The following FOXK1 variants were observed in gnomAD, a reference collection of about 807,000 sequenced individuals.
FOXK1 encodes the protein forkhead box protein K1.
In FOXK1, 19 loss-of-function variants were observed where a neutral mutation model predicts 51.9. The observed-to-expected ratio is 0.37, with a 90% CI of 0.26 to 0.54. The LOEUF (loss-of-function observed/expected upper bound fraction) is 0.54, where lower values mean the gene tolerates loss of function less well. Among genes scored for constraint, FOXK1 ranks in the 20% least tolerant of loss-of-function variants. The probability of loss-of-function intolerance (pLI) is 0.87; values close to 1 mark genes in which losing one functional copy is unlikely to be tolerated. For missense variants in FOXK1, 870 were observed against 1,032.7 expected, an observed-to-expected ratio of 0.84 and a Z score of 2.16; for synonymous variants, 537 against 482.6, an observed-to-expected ratio of 1.11 and a Z score of -1.48.
rs1463200453 is a variant in FOXK1 at position 4,730,006 on chromosome 7, A to G, written c.561-10832A>G. ...CTCTGTCGAAACAATTTAAATAAAA[A>G]AAAGAAAAGGAAAAAGAAAGCCCGG... On this transcript the variant is annotated intron_variant, in intron 1 of 8. Coordinates refer to ENST00000328914, the MANE Select transcript of FOXK1 (RefSeq NM_001037165.2). The surrounding 1 kb of genome is among the most constrained non-coding windows in gnomAD (Gnocchi z 4.7). Among the ~76,000 whole-genome samples the G allele has an allele frequency of 6.6e-6, 1 of 152,184 alleles. No homozygotes were observed. Among genetic ancestry groups the G allele is most frequent in the Admixed American group, 6.5e-5 (1 of 15,278 alleles).
Position 4,752,585 on chromosome 7 carries a change from C to T in FOXK1, c.747-1874C>T, listed in dbSNP as rs551151031. Among the ~76,000 whole-genome samples, 91 of 152,350 alleles carry T rather than the reference C, an allele frequency of 6.0e-4. 1 individual carries two copies. The highest frequency in any genetic ancestry group is 2.0e-3 in the African/African-American group (83 of 41,578). ...GGTCCTCAGGAAGGATCCAGGAGCC[C>T]GCCTGCCACCTCATGGGCCTCGGAT... On this transcript the variant is annotated intron_variant, in intron 2 of 8. Coordinates refer to ENST00000328914, the MANE Select transcript of FOXK1 (RefSeq NM_001037165.2).
chr7:4,758,869 A>T lies in FOXK1; in HGVS notation c.1245-182A>T. On this transcript the variant is annotated intron_variant, in intron 5 of 8. Transcript: ENST00000328914. This position sits in a 1 kb window ranked among gnomAD's most constrained non-coding sequence, Gnocchi z 4.4. ...GCCTCCCCCATGCAGCCCCCACTCAAATGGAGTTTTAAAGGCTGGGTTCAG... is the reference window on the plus strand; with the variant it reads ...GCCTCCCCCATGCAGCCCCCACTCATATGGAGTTTTAAAGGCTGGGTTCAG... The T allele has an allele frequency of 1.6e-6, 1 of 627,410 alleles. No individual in the cohort carries two copies. Among genetic ancestry groups the T allele is most frequent in the Non-Finnish European group, 2.7e-6 (1 of 368,110 alleles). The allele number at this position is 627,410 out of a possible 1,614,324, so 38.9% of individuals were successfully genotyped here. A position where few individuals can be genotyped will look rare whatever the true frequency, so the allele number is the denominator to read the frequency against.
chr7:4,705,548 T>TCTCG (rs1554249273), intron 1 of FOXK1, among the ~76,000 whole-genome samples: 1 of 140,140 alleles, frequency 7.1e-6, no homozygotes, highest in Admixed American at 6.9e-5. Flanking sequence ...TCTCTCTCTC[T>TCTCG]CTCTCTCTCT....
At chr7:4,685,672 C>T (rs555978359) in intron 1 of FOXK1, among the ~76,000 whole-genome samples, 31 of 151,992 alleles carry the variant, frequency 2.0e-4, no homozygotes, top group Non-Finnish European at 4.1e-4. Context: ...GCCTGGACTA[C>T]AGCCTCACGC....
rs573528476 is a variant in FOXK1 at position 4,762,134 on chromosome 7, G to C, written c.1922-50G>C. On this transcript the variant is annotated intron_variant, in intron 8 of 8. Transcript: ENST00000328914. This position sits in a 1 kb window ranked among gnomAD's most constrained non-coding sequence, Gnocchi z 5.7. ...CTGTATAGGGGACTTGAAAAAAGCAGCTGGGTCCTAACCAGACCCCAGAGT... is the reference window on the plus strand; with the variant it reads ...CTGTATAGGGGACTTGAAAAAAGCACCTGGGTCCTAACCAGACCCCAGAGT... 3 of 1,509,566 alleles carry C rather than the reference G, an allele frequency of 2.0e-6. No individual in the cohort carries two copies. The highest frequency in any genetic ancestry group is 2.5e-5 in the South Asian group (2 of 78,596). The allele number at this position is 1,509,566 out of a possible 1,614,324, so 93.5% of individuals were successfully genotyped here.
rs1011008546 is a variant in FOXK1, at chr7:4,690,620, T to C, written c.560+7752T>C. ...AGGAGGGTGTTGTCGTGTAGTATTATTGAACTGAATTTAGAATATTTGCAT... is the reference window on the plus strand; with the variant it reads ...AGGAGGGTGTTGTCGTGTAGTATTACTGAACTGAATTTAGAATATTTGCAT... On this transcript the variant is annotated intron_variant, in intron 1 of 8. Coordinates refer to ENST00000328914, the MANE Select transcript of FOXK1 (RefSeq NM_001037165.2). 4.6e-5 allele frequency among the ~76,000 whole-genome samples: 7 copies of C among 152,362 alleles called. No homozygotes were observed. The East Asian group carries it at 1.4e-3, about 29-fold the overall frequency.
At chr7:4,687,240 C>G (rs540433153) in intron 1 of FOXK1, among the ~76,000 whole-genome samples, 8 of 150,118 alleles carry the variant, frequency 5.3e-5, no homozygotes, top group Non-Finnish European at 8.9e-5. Context: ...CCTTTTTTTT[C>G]CTTTTTACAT....
chr7:4,759,514 A>G lies in FOXK1; in HGVS notation c.1615A>G (p.Ile539Val). 6.4e-7 allele frequency: 1 copy of G among 1,572,318 alleles called. No individual in the cohort carries two copies. The highest frequency in any genetic ancestry group is 8.6e-7 in the Non-Finnish European group (1 of 1,165,312). The change falls in exon 7 of 9, where the codon ATC becomes GTC. Residue 539 changes from isoleucine (I) to valine (V), a missense_variant. By Grantham distance (29) the Ile-to-Val change is conservative. Coordinates refer to ENST00000328914, the MANE Select transcript of FOXK1 (RefSeq NM_001037165.2). Reference protein sequence around the residue: ...TTSANSANGYILTSQGAAGGS... With the variant: ...TTSANSANGYVLTSQGAAGGS... ...ATCTGCCAACTCGGCCAACGGATAC[A>G]TCCTCACCAGCCAGGGCGCGGCGGG...
In FOXK1 at chr7:4,733,538, C is replaced by G. The variant is rs1780509528; in HGVS notation, c.561-7300C>G. Among the ~76,000 whole-genome samples, 3 of 152,174 alleles carry G rather than the reference C, an allele frequency of 2.0e-5. No individual in the cohort carries two copies. The South Asian group carries it at 6.2e-4, about 32-fold the overall frequency. On this transcript the variant is annotated intron_variant, in intron 1 of 8. Coordinates refer to ENST00000328914, the MANE Select transcript of FOXK1 (RefSeq NM_001037165.2). This position sits in a 1 kb window ranked among gnomAD's most constrained non-coding sequence, Gnocchi z 5.0. ...ACATGACCCATTTGTATCCCATTGA[C>G]CAGCTCATAGTCTCATGGTTGCAAG...
rs1780800975 is a variant in FOXK1, at chr7:4,753,174, G to A, written c.747-1285G>A. On this transcript the variant is annotated intron_variant, in intron 2 of 8. Transcript: ENST00000328914. This position sits in a 1 kb window ranked among gnomAD's most constrained non-coding sequence, Gnocchi z 4.9. Reference sequence around the variant, plus strand: ...TCCTTCCTGAAAATGCCCCAGACCTGAACTGATCATTAATGTCAGCTGTCA... The same window carrying A: ...TCCTTCCTGAAAATGCCCCAGACCTAAACTGATCATTAATGTCAGCTGTCA... 6.6e-6 allele frequency among the ~76,000 whole-genome samples: 1 copy of A among 152,190 alleles called. No homozygotes were observed. Among genetic ancestry groups the A allele is most frequent in the Non-Finnish European group, 1.5e-5 (1 of 68,046 alleles).
intron 2 of FOXK1, among the ~76,000 whole-genome samples, chr7:4,750,327 GT>G (rs1780759024): frequency 6.6e-6 from 1 of 152,128 alleles, no homozygotes; most frequent in South Asian, 2.1e-4. Flanking sequence ...GTGATTCCCT[GT>G]TTCCTGGAAT....
chr7:4,706,268 C>G (rs1412798537), intron 1 of FOXK1, among the ~76,000 whole-genome samples: 2 of 152,164 alleles, frequency 1.3e-5, no homozygotes, highest in East Asian at 3.9e-4. Flanking sequence ...GGCTGCTGAT[C>G]AGAATCACAA....
chr7:4,709,978 A>G lies in FOXK1; in HGVS notation c.560+27110A>G, dbSNP rs889149733. 2.0e-5 allele frequency among the ~76,000 whole-genome samples: 3 copies of G among 152,250 alleles called. No individual in the cohort carries two copies. The highest frequency in any genetic ancestry group is 2.9e-5 in the Non-Finnish European group (2 of 68,034). The stretch of plus-strand genomic sequence containing the variant: ...TTCCCGCGTGAAGGGGTAGAAGAAC[A>G]GGCAAAATCCATGATTTTTAAACGT... On this transcript the variant is annotated intron_variant, in intron 1 of 8. Coordinates refer to ENST00000328914, the MANE Select transcript of FOXK1 (RefSeq NM_001037165.2). This position sits in a 1 kb window ranked among gnomAD's most constrained non-coding sequence, Gnocchi z 5.6.
chr7:4,754,328 TG>T, intron 2 of FOXK1, 130 bp from the exon 3 acceptor site: 1 of 1,029,018 alleles, frequency 9.7e-7, no homozygotes, highest in Non-Finnish European at 1.4e-6. Flanking sequence ...GGCAGTGTGG[TG>T]GCACTTAAAA....
Position 4,756,799 on chromosome 7 carries a change from G to C in FOXK1, c.1051-195G>C, listed in dbSNP as rs2115072809. On this transcript the variant is annotated intron_variant, in intron 4 of 8. Coordinates refer to ENST00000328914, the MANE Select transcript of FOXK1 (RefSeq NM_001037165.2). This position sits in a 1 kb window ranked among gnomAD's most constrained non-coding sequence, Gnocchi z 4.1. Reference sequence around the variant, plus strand: ...AAAGGTAAAATGGTAATTATGCGGTGTCAAATTTTGATAGGAATGACCTGC... The same window carrying C: ...AAAGGTAAAATGGTAATTATGCGGTCTCAAATTTTGATAGGAATGACCTGC... 6.6e-6 allele frequency among the ~76,000 whole-genome samples: 1 copy of C among 152,050 alleles called. No individual in the cohort carries two copies. Among genetic ancestry groups the C allele is most frequent in the Non-Finnish European group, 1.5e-5 (1 of 67,968 alleles).
At chr7:4,713,020 C>G (rs1583190947) in intron 1 of FOXK1, among the ~76,000 whole-genome samples, 1 of 152,316 alleles carries the variant, frequency 6.6e-6, no homozygotes, top group African/African-American at 2.4e-5. Context: ...GCAAAGGGGG[C>G]ATGCCTTCTT....
intron 3 of FOXK1, chr7:4,754,856 C>T (rs1223083166): frequency 1.8e-5 from 11 of 604,986 alleles, no homozygotes; most frequent in Non-Finnish European, 2.9e-5. Flanking sequence ...GGGCCCCTCC[C>T]GCCACGCTCC....
chr7:4,709,811 A>T lies in FOXK1; in HGVS notation c.560+26943A>T, dbSNP rs1430203916. Among the ~76,000 whole-genome samples the T allele has an allele frequency of 6.6e-6, 1 of 152,182 alleles. No homozygotes were observed. Among genetic ancestry groups the T allele is most frequent in the Non-Finnish European group, 1.5e-5 (1 of 68,038 alleles). ...TCCGTCTTCTCGCTGTTCAGCCAGC[A>T]GTTCACTGTCTGTAAAATAGGTCCA... is the stretch of plus-strand genomic sequence containing the variant. On this transcript the variant is annotated intron_variant, in intron 1 of 8. Coordinates refer to ENST00000328914, the MANE Select transcript of FOXK1 (RefSeq NM_001037165.2). This position sits in a 1 kb window ranked among gnomAD's most constrained non-coding sequence, Gnocchi z 5.6.
chr7:4,689,982 G>A (rs1779871820), intron 1 of FOXK1, among the ~76,000 whole-genome samples: 1 of 152,228 alleles, frequency 6.6e-6, no homozygotes. Flanking sequence ...TTTCCAGCGA[G>A]TAGACGTGAA....
Sources: allele counts gnomAD v4.1 joint callset (sites outside exome capture counted in the v4.1 genomes callset), GRCh38; gene constraint gnomAD v4.1.1; non-coding constraint Gnocchi (gnomAD v3.1); transcripts MANE v1.5; gene names NCBI Gene and HGNC (gene_info 2026-07-23, HGNC 2026-07-21).